Variants in CDK6 observed in about 807,000 individuals in gnomAD.
CDK6 encodes cyclin dependent kinase 6.
CDK6 carries 6 observed loss-of-function variants against 37.1 expected under a neutral mutation model. The observed-to-expected ratio is 0.16, with a 90% CI of 0.09 to 0.32. CDK6 has a LOEUF of 0.32. Among genes scored for constraint, CDK6 ranks in the 10% least tolerant of loss-of-function variants. The pLI is 1.00. For missense variants in CDK6, 224 were observed against 418.9 expected (o/e 0.53, Z 4.06); for synonymous variants, 160 against 161.3 (o/e 0.99, Z 0.06).
chr7:92,672,949 A>G (rs1412287041), intron 4 of CDK6, among the ~76,000 whole-genome samples: 1 of 152,198 alleles, frequency 6.6e-6, no homozygotes, highest in African/African-American at 2.4e-5. Context: ...TTCATCTTCC[A>G]TTGAATCTGA....
chr7:92,637,076 C>T (rs971209482), intron 5 of CDK6, among the ~76,000 whole-genome samples: 3 of 152,158 alleles, frequency 2.0e-5, no homozygotes, highest in African/African-American at 4.8e-5. Context: ...GCTACACTTA[C>T]GGTTTTAGAA....
intron 3 of CDK6, among the ~76,000 whole-genome samples, chr7:92,772,523 A>G (rs879337191): frequency 6.6e-6 from 1 of 151,548 alleles, no homozygotes; most frequent in Non-Finnish European, 1.5e-5. Context: ...CTGGAGATAG[A>G]CAAAAAGCTC....
intron 2 of CDK6, among the ~76,000 whole-genome samples, chr7:92,821,942 T>C (rs990626328): frequency 6.6e-6 from 1 of 151,978 alleles, no homozygotes; most frequent in Non-Finnish European, 1.5e-5. Context: ...CAAGGCTCTT[T>C]AGGGGAATGC....
At chr7:92,672,160 T>TATATATATATATATATACACACAC (rs1210519115) in intron 4 of CDK6, among the ~76,000 whole-genome samples, 1 of 79,092 alleles carries the variant, frequency 1.3e-5, no homozygotes, top group Non-Finnish European at 2.4e-5. Flanking sequence ...TATATATATA[T>TATATATATATATATATACACACAC]ACACATACAC....
Position 92,835,759 on chromosome 7 carries a change from G to T in CDK6, c.-368+719C>A, listed in dbSNP as rs1235889673. ...CTCCCGCGTGTGCGCACACGCAGAT[G>T]CGCCCATATGCACACGGACGGGCGC... On this transcript the variant is annotated intron_variant, in intron 1 of 7. Coordinates refer to ENST00000424848, the MANE Select transcript of CDK6 (RefSeq NM_001145306.2). This position sits in a 1 kb window ranked among gnomAD's most constrained non-coding sequence, Gnocchi z 4.2. Among the ~76,000 whole-genome samples the T allele has an allele frequency of 6.6e-6, 1 of 152,242 alleles. No individual in the cohort carries two copies. Among genetic ancestry groups the T allele is most frequent in the Non-Finnish European group, 1.5e-5 (1 of 68,036 alleles).
At chr7:92,745,654 A>G (rs1023103351) in intron 3 of CDK6, among the ~76,000 whole-genome samples, 2 of 152,232 alleles carry the variant, frequency 1.3e-5, no homozygotes, top group Non-Finnish European at 2.9e-5. Flanking sequence ...ATAAAGATTA[A>G]ATTAGATAAG....
chr7:92,767,076 A>G (rs1247366463), intron 3 of CDK6, among the ~76,000 whole-genome samples: 1 of 152,080 alleles, frequency 6.6e-6, no homozygotes, highest in East Asian at 1.9e-4. Flanking sequence ...CTAAGTCCCA[A>G]GATTCTTTCA....
At chr7:92,622,901 A>T in intron 6 of CDK6, 135 bp downstream of exon 6, 1 of 618,330 alleles carries the variant, frequency 1.6e-6, no homozygotes. Context: ...CACCACACAA[A>T]TAGTAACACT....
intron 2 of CDK6, among the ~76,000 whole-genome samples, chr7:92,809,829 C>T (rs1250791756): frequency 6.6e-6 from 1 of 152,206 alleles, no homozygotes; most frequent in Non-Finnish European, 1.5e-5. Flanking sequence ...GAACCAAGGT[C>T]ATTCGATATC....
rs928547809 is a variant in CDK6 at position 92,606,080 on chromosome 7, A to T, written c.*9060T>A. The T allele has an allele frequency of 1.3e-5, 3 of 233,564 alleles. No homozygotes were observed. The highest frequency in any genetic ancestry group is 1.2e-4 in the East Asian group (2 of 16,588). 14.5% of individuals were successfully genotyped at this position (233,564 alleles called of 1,614,324 possible). A position where few individuals can be genotyped will look rare whatever the true frequency, so the allele number is the denominator to read the frequency against. On this transcript the variant is annotated 3_prime_UTR_variant, in exon 8 of 8. Coordinates refer to ENST00000424848, the MANE Select transcript of CDK6 (RefSeq NM_001145306.2). ...CCTTTAAGGAACATGCACCCTTATA[A>T]GTCTGTACCCTGATATGAAAATAGC... is the stretch of plus-strand genomic sequence containing the variant.
At chr7:92,808,254 C>T (rs537126821) in intron 2 of CDK6, among the ~76,000 whole-genome samples, 4 of 152,270 alleles carry the variant, frequency 2.6e-5, no homozygotes, top group South Asian at 2.1e-4. Flanking sequence ...TGTGTTGCTG[C>T]GGGGCAGCAT....
intron 2 of CDK6, among the ~76,000 whole-genome samples, chr7:92,819,273 A>G (rs77737081): frequency 0.021 from 3,239 of 152,192 alleles, 126 homozygotes; most frequent in South Asian, 0.17. Flanking sequence ...AACACTATCA[A>G]TGAAAGCCAG....
At chr7:92,623,488 C>T (rs749659464) in intron 5 of CDK6, among the ~76,000 whole-genome samples, 1 of 152,204 alleles carries the variant, frequency 6.6e-6, no homozygotes, top group East Asian at 1.9e-4. Context: ...TTCCATACTA[C>T]TCTGCTATCA....
At chr7:92,818,275 G>A (rs566752175) in intron 2 of CDK6, among the ~76,000 whole-genome samples, 43 of 151,952 alleles carry the variant, frequency 2.8e-4, no homozygotes, top group Non-Finnish European at 5.5e-4. Context: ...AGAACAAAGA[G>A]TCTAAAAACA....
At chr7:92,684,187 A>G (rs1797398928) in intron 4 of CDK6, among the ~76,000 whole-genome samples, 1 of 152,190 alleles carries the variant, frequency 6.6e-6, no homozygotes. Flanking sequence ...AGCCAATGGC[A>G]GAACCAGGAT....
At chr7:92,704,263 A>T (rs1002357091) in intron 4 of CDK6, among the ~76,000 whole-genome samples, 2 of 151,980 alleles carry the variant, frequency 1.3e-5, no homozygotes, top group African/African-American at 4.8e-5. Flanking sequence ...TAATTTCTAC[A>T]CTCTCAGCTC....
At chr7:92,734,094 G>A (rs888236563) in intron 3 of CDK6, among the ~76,000 whole-genome samples, 2 of 152,148 alleles carry the variant, frequency 1.3e-5, no homozygotes, top group African/African-American at 4.8e-5. Flanking sequence ...TATTTTCAAT[G>A]ATTTTTAAAA....
At chr7:92,715,362 C>T (rs940647830) in intron 4 of CDK6, among the ~76,000 whole-genome samples, 1 of 152,034 alleles carries the variant, frequency 6.6e-6, no homozygotes, top group Non-Finnish European at 1.5e-5. Flanking sequence ...TAGATTCTGC[C>T]AGCCTTCAAA....
intron 5 of CDK6, among the ~76,000 whole-genome samples, chr7:92,628,288 G>GAA (rs35489511): frequency 2.7e-5 from 4 of 150,694 alleles, no homozygotes; most frequent in Admixed American, 1.3e-4. Flanking sequence ...AAAATCAGAA[G>GAA]AAAAAAAAAC....
Sources: gnomAD v4.1 joint callset for allele counts (sites outside exome capture counted in the v4.1 genomes callset) on GRCh38, gnomAD v4.1.1 for gene constraint, Gnocchi (gnomAD v3.1) non-coding constraint, MANE v1.5 for transcripts, NCBI Gene and HGNC (gene_info 2026-07-23, HGNC 2026-07-21) for gene names.